Variants in CDH20 observed in about 807,000 individuals in gnomAD.
CDH20 encodes cadherin-20.
In CDH20, 29 loss-of-function variants were observed where a neutral mutation model predicts 74.2. The observed-to-expected ratio is 0.39, with a 90% CI of 0.29 to 0.53. The LOEUF (loss-of-function observed/expected upper bound fraction) is 0.53, where lower values mean the gene tolerates loss of function less well. Ranked by LOEUF, CDH20 falls within the 20% of genes least tolerant of loss-of-function variation. CDH20 has a pLI of 0.69. For missense variants in CDH20, 988 were observed against 1,048.3 expected (o/e 0.94, Z 0.79); for synonymous variants, 469 against 405.4 (o/e 1.16, Z -1.88).
Position 61,550,091 on chromosome 18 carries a change from G to A in CDH20, c.1762G>A (p.Gly588Ser), listed in dbSNP as rs1359208329. 3.1e-6 allele frequency: 5 copies of A among 1,614,228 alleles called. No homozygotes were observed. Among genetic ancestry groups the A allele is most frequent in the South Asian group, 1.1e-5 (1 of 91,090 alleles). Reference sequence around the variant, plus strand: ...CGGGCAGCCCGTGCTGAGCAGCACAGGCACACTGACCATCCAAGTGTGCAG... The same window carrying A: ...CGGGCAGCCCGTGCTGAGCAGCACAAGCACACTGACCATCCAAGTGTGCAG... ...DSGQPVLSSTGTLTIQVCSCD... is the reference protein window; with the variant it reads ...DSGQPVLSSTSTLTIQVCSCD... The change falls in exon 11 of 12, where the codon GGC (glycine) becomes AGC (serine). Residue 588 changes from glycine to serine, a missense_variant. This residue lies in a region of CDH20 where 613 missense variants were observed against 755.2 expected (regional missense o/e 0.81). Coordinates refer to ENST00000262717, the MANE Select transcript of CDH20 (RefSeq NM_031891.4).
intron 6 of CDH20, among the ~76,000 whole-genome samples, chr18:61,508,663 G>A (rs1432181480): frequency 6.6e-6 from 1 of 152,134 alleles, no homozygotes; most frequent in Non-Finnish European, 1.5e-5. Flanking sequence ...TCGAGACAGA[G>A]TCTCACTTTG....
At chr18:61,393,451 G>C (rs1172860278) in intron 1 of CDH20, among the ~76,000 whole-genome samples, 2 of 152,192 alleles carry the variant, frequency 1.3e-5, no homozygotes, top group Non-Finnish European at 2.9e-5. Context: ...TTTCTCCCAG[G>C]TAGGCTACTC....
chr18:61,515,157 G>A (rs544746527), intron 6 of CDH20, among the ~76,000 whole-genome samples: 11 of 152,220 alleles, frequency 7.2e-5, no homozygotes, highest in South Asian at 6.2e-4. Context: ...GCGAGACTCC[G>A]TGGGCCTAGG....
chr18:61,528,030 G>A lies in CDH20; in HGVS notation c.1081G>A (p.Glu361Lys), dbSNP rs749338724. 1 of 1,614,070 alleles carries A rather than the reference G, an allele frequency of 6.2e-7. No individual in the cohort carries two copies. Among genetic ancestry groups the A allele is most frequent in the South Asian group, 1.1e-5 (1 of 91,088 alleles). The change falls in exon 7 of 12, where the codon GAG becomes AAG. Residue 361 changes from glutamate to lysine, a missense_variant. By Grantham distance (56) the Glu-to-Lys change is moderately conservative. Transcript: ENST00000262717. ...GGTGGAGGGAGCCAATCCTCACCTAGAGATGCGTTTTCTGAACTTGGGCCC... is the reference window on the plus strand; with the variant it reads ...GGTGGAGGGAGCCAATCCTCACCTAAAGATGCGTTTTCTGAACTTGGGCCC... ...LKVEGANPHLEMRFLNLGPFQ... is the reference protein window; with the variant it reads ...LKVEGANPHLKMRFLNLGPFQ...
At position 61,538,642 on chromosome 18, in the gene CDH20, G is replaced by A. The variant is rs189078224; in HGVS notation, c.1409-382G>A. On this transcript the variant is annotated intron_variant, in intron 8 of 11. Transcript: ENST00000262717. ...TTTGTTTTGTTTTTTTTTTTGAGACGGAGTCTTACTCTTTTGCCCAGGCCG... is the reference window on the plus strand; with the variant it reads ...TTTGTTTTGTTTTTTTTTTTGAGACAGAGTCTTACTCTTTTGCCCAGGCCG... Among the ~76,000 whole-genome samples the A allele has an allele frequency of 4.0e-3, 326 of 80,868 alleles. 5 individuals are homozygous for A. The highest frequency in any genetic ancestry group is 4.8e-3 in the Non-Finnish European group (204 of 42,386). The allele number at this position is 80,868 out of a possible 152,430, so 53.1% of individuals were successfully genotyped here. A position where few individuals can be genotyped will look rare whatever the true frequency, so the allele number is the denominator to read the frequency against.
At chr18:61,419,935 C>A (rs1008867917) in intron 1 of CDH20, among the ~76,000 whole-genome samples, 1 of 152,116 alleles carries the variant, frequency 6.6e-6, no homozygotes, top group Admixed American at 6.5e-5. Flanking sequence ...AGCTTTTCTG[C>A]CCTCCCCCAC....
chr18:61,486,137 G>A (rs1054655081), intron 1 of CDH20, among the ~76,000 whole-genome samples: 3 of 152,168 alleles, frequency 2.0e-5, no homozygotes, highest in African/African-American at 7.2e-5. Context: ...TCTGTATAGA[G>A]TACAGAAGAA....
chr18:61,408,586 G>T (rs1056124968), intron 1 of CDH20, among the ~76,000 whole-genome samples: 2 of 152,234 alleles, frequency 1.3e-5, no homozygotes, highest in East Asian at 3.9e-4. Flanking sequence ...TCCCAGTTTA[G>T]ACCTATGTAC....
intron 1 of CDH20, among the ~76,000 whole-genome samples, chr18:61,350,662 CCA>C (rs1910273761): frequency 6.6e-6 from 1 of 152,176 alleles, no homozygotes; most frequent in South Asian, 2.1e-4. Flanking sequence ...TGGCTTCACA[CCA>C]TAGTCGTCTA....
chr18:61,363,736 G>C (rs1043895727), intron 1 of CDH20, among the ~76,000 whole-genome samples: 1 of 152,050 alleles, frequency 6.6e-6, no homozygotes, highest in Non-Finnish European at 1.5e-5. Context: ...ATTTTATTTC[G>C]TCTTACTTAA....
intron 1 of CDH20, among the ~76,000 whole-genome samples, chr18:61,381,667 T>A (rs1911436791): frequency 6.6e-6 from 1 of 152,218 alleles, no homozygotes; most frequent in South Asian, 2.1e-4. Flanking sequence ...TCCAAAAATG[T>A]CTGATATACA....
intron 1 of CDH20, among the ~76,000 whole-genome samples, chr18:61,452,342 A>G (rs1257188591): frequency 2.0e-5 from 3 of 152,208 alleles, no homozygotes. Flanking sequence ...TGCACCAAAA[A>G]CTAAGTTAAA....
intron 1 of CDH20, among the ~76,000 whole-genome samples, chr18:61,352,028 T>A (rs966820629): frequency 6.6e-6 from 1 of 152,230 alleles, no homozygotes; most frequent in Admixed American, 6.5e-5. Context: ...TTTTTGATCT[T>A]TGACCTTCAT....
At chr18:61,392,175 A>T (rs1350855346) in intron 1 of CDH20, among the ~76,000 whole-genome samples, 1 of 80,262 alleles carries the variant, frequency 1.2e-5, no homozygotes, top group East Asian at 3.4e-4. Flanking sequence ...TTCTGCTCCC[A>T]CCCCACCCCA....
chr18:61,410,815 T>C (rs1376977766), intron 1 of CDH20, among the ~76,000 whole-genome samples: 2 of 152,220 alleles, frequency 1.3e-5, no homozygotes, highest in Non-Finnish European at 2.9e-5. Flanking sequence ...AGTATTTTTA[T>C]AATCTTTGAA....
intron 1 of CDH20, among the ~76,000 whole-genome samples, chr18:61,382,742 G>C (rs1911473430): frequency 6.6e-6 from 1 of 152,162 alleles, no homozygotes. Flanking sequence ...TTGAAAAGCA[G>C]GAAGAGTAAA....
intron 1 of CDH20, among the ~76,000 whole-genome samples, chr18:61,394,881 G>A (rs1012371661): frequency 6.6e-6 from 1 of 151,686 alleles, no homozygotes; most frequent in East Asian, 2.0e-4. Context: ...CCACCCTCCT[G>A]CTTGGCCTTG....
At chr18:61,455,360 G>A (rs1293373493) in intron 1 of CDH20, among the ~76,000 whole-genome samples, 1 of 152,108 alleles carries the variant, frequency 6.6e-6, no homozygotes, top group African/African-American at 2.4e-5. Context: ...ACAATTGATG[G>A]GTAAAATTTT....
intron 1 of CDH20, among the ~76,000 whole-genome samples, chr18:61,458,278 T>C (rs957271904): frequency 6.6e-6 from 1 of 152,192 alleles, no homozygotes; most frequent in African/African-American, 2.4e-5. Context: ...TGAAGAGGAA[T>C]AGTGGAACAT....
Sources: allele counts gnomAD v4.1 joint callset (sites outside exome capture counted in the v4.1 genomes callset), GRCh38; gene constraint gnomAD v4.1.1; regional missense constraint gnomAD v4.1.1; transcripts MANE v1.5; gene names NCBI Gene and HGNC (gene_info 2026-07-23, HGNC 2026-07-21).